PDSS1: variants seen among roughly 807,000 people sequenced by gnomAD.
PDSS1 encodes all trans-polyprenyl-diphosphate synthase PDSS1.
In PDSS1, 43 loss-of-function variants were observed where a neutral mutation model predicts 57.5. The ratio of observed to expected loss-of-function variants is 0.75; its 90% CI spans 0.59 to 0.96. The LOEUF is 0.96. Among genes scored for constraint, PDSS1 ranks in the 50% least tolerant of loss-of-function variants. The pLI is 0.00. For missense variants in PDSS1, 438 were observed against 527.8 expected, an observed-to-expected ratio of 0.83 and a Z score of 1.67; for synonymous variants, 175 against 191.3, an observed-to-expected ratio of 0.91 and a Z score of 0.70.
At chr10:26,741,496 G>GAAA (rs1362615282) in intron 10 of PDSS1, among the ~76,000 whole-genome samples, 3 of 149,506 alleles carry the variant, frequency 2.0e-5, no homozygotes, top group Non-Finnish European at 4.4e-5. Context: ...AGGAGGGGGG[G>GAAA]AAAAACAACA....
Position 26,704,083 on chromosome 10 carries a change from C to CAAAAAAAAAAAAAAAAAAAAAAAAAAAA in PDSS1, c.163-575_163-574insAAAAAAAAAAAAAAAAAAAAAAAAAAAA, listed in dbSNP as rs1203931422. ...GACGACAGAACGAGACTCCGTCTCACAAAAAAAAAAAAAAAAAAATATGGC... is the reference window on the plus strand; with the variant it reads ...GACGACAGAACGAGACTCCGTCTCACAAAAAAAAAAAAAAAAAAAAAAAAAAAAAAAAAAAAAAAAAAAAAAATATGGC... On this transcript the variant is annotated intron_variant, in intron 2 of 11. Transcript: ENST00000376215. 2.6e-3 allele frequency among the ~76,000 whole-genome samples: 80 copies of CAAAAAAAAAAAAAAAAAAAAAAAAAAAA among 31,032 alleles called. 11 individuals carry two copies. Among genetic ancestry groups the CAAAAAAAAAAAAAAAAAAAAAAAAAAAA allele is most frequent in the Non-Finnish European group, 4.0e-3 (65 of 16,338 alleles). 20.4% of individuals were successfully genotyped at this position (31,032 alleles called of 152,430 possible). A position where few individuals can be genotyped will look rare whatever the true frequency, so the allele number is the denominator to read the frequency against.
intron 1 of PDSS1, among the ~76,000 whole-genome samples, chr10:26,698,112 G>T (rs1221524577): frequency 1.3e-5 from 2 of 152,090 alleles, no homozygotes; most frequent in Non-Finnish European, 2.9e-5. Flanking sequence ...TGGAGAAAGC[G>T]GTGGGATCCG....
chr10:26,725,517 G>GT (rs58406193), intron 8 of PDSS1, among the ~76,000 whole-genome samples: 2,661 of 149,142 alleles, frequency 0.018, 68 homozygotes, highest in African/African-American at 0.06. Context: ...AATTATGTGG[G>GT]TTTTTTTTTT....
chr10:26,726,826 C>T (rs1240321988), intron 8 of PDSS1, among the ~76,000 whole-genome samples: 1 of 152,104 alleles, frequency 6.6e-6, no homozygotes, highest in Non-Finnish European at 1.5e-5. Context: ...CTTTAGGAGG[C>T]CGAGGCGAGT....
intron 5 of PDSS1, among the ~76,000 whole-genome samples, chr10:26,717,267 A>C (rs571252578): frequency 6.6e-6 from 1 of 151,694 alleles, no homozygotes; most frequent in African/African-American, 2.4e-5. Context: ...GTCTCGCTCT[A>C]CCCCCCAGGC....
At chr10:26,728,015 G>T (rs78901675) in intron 8 of PDSS1, among the ~76,000 whole-genome samples, 1 of 152,182 alleles carries the variant, frequency 6.6e-6, no homozygotes, top group Non-Finnish European at 1.5e-5. Flanking sequence ...GGCGCGTGCT[G>T]TCTTGTCTGT....
chr10:26,720,161 A>G (rs910576192), intron 5 of PDSS1, 57 bp from the exon 6 acceptor site: 2 of 1,610,312 alleles, frequency 1.2e-6, no homozygotes, highest in African/African-American at 2.7e-5. Flanking sequence ...TCACAAGCTG[A>G]TTGCTGAGAA....
intron 5 of PDSS1, chr10:26,718,781 G>C (rs537568343): frequency 2.3e-5 from 3 of 130,642 alleles, no homozygotes; most frequent in African/African-American, 8.0e-5. Flanking sequence ...AAAAAAAAAG[G>C]AATGAGTAGC....
Position 26,735,279 on chromosome 10 carries a change from A to C in PDSS1, c.871A>C (p.Ile291Leu), listed in dbSNP as rs1386693230. The C allele has an allele frequency of 6.2e-7, 1 of 1,613,702 alleles. No individual in the cohort carries two copies. Residue 291 changes from isoleucine (I) to leucine (L), a missense_variant, in exon 9 of 12, where the codon ATC becomes CTC. Ile to Leu is a conservative substitution (Grantham distance 5). Around this residue, in one of 2 missense-constraint regions of PDSS1, gnomAD observed 284 missense variants for 390.7 expected, o/e 0.73. Transcript: ENST00000376215. ...LGCPDPVVHE[I>L]AYQYGKNVGI... ...ATGTCCCGACCCAGTGGTGCATGAG[A>C]TCGCCTATCAGTACGGAAAAAATGT... is the stretch of plus-strand genomic sequence containing the variant.
In PDSS1 at chr10:26,697,702, G is replaced by T. The variant is rs1394147835; in HGVS notation, c.-10G>T. Reference sequence around the variant, plus strand: ...AGCCGCCGCCCTGCCGCGACTTTCAGACTCCGACCATGGCCTCGCGCTGGT... The same window carrying T: ...AGCCGCCGCCCTGCCGCGACTTTCATACTCCGACCATGGCCTCGCGCTGGT... On this transcript the variant is annotated 5_prime_UTR_variant, in exon 1 of 12. Coordinates refer to ENST00000376215, the MANE Select transcript of PDSS1 (RefSeq NM_014317.5). 3.3e-5 allele frequency: 42 copies of T among 1,289,482 alleles called. No individual in the cohort carries two copies. The highest frequency in any genetic ancestry group is 4.0e-5 in the Non-Finnish European group (41 of 1,021,138). 79.9% of individuals were successfully genotyped at this position (1,289,482 alleles called of 1,614,324 possible). A position where few individuals can be genotyped will look rare whatever the true frequency, so the allele number is the denominator to read the frequency against.
In PDSS1 at chr10:26,746,438, C is replaced by G; in HGVS notation, c.1213C>G (p.Gln405Glu). 2 of 1,614,076 alleles carry G rather than the reference C, an allele frequency of 1.2e-6. No individual in the cohort carries two copies. The highest frequency in any genetic ancestry group is 1.7e-6 in the Non-Finnish European group (2 of 1,179,952). The change falls in exon 12 of 12, where the codon CAG (glutamine) becomes GAG (glutamate). Residue 405 changes from glutamine to glutamate, a missense_variant. By Grantham distance (29) the Gln-to-Glu change is conservative (BLOSUM62 2). This residue lies in a region of PDSS1 where 284 missense variants were observed against 390.7 expected (regional missense o/e 0.73). Transcript: ENST00000376215. ...ATCCCCAGAAAGAGATGCCCTCATT[C>G]AGCTTTCAGAAATTGTACTCACAAG... ...RPSPERDALI[Q>E]LSEIVLTRDK
chr10:26,734,522 A>G (rs1258976096), intron 8 of PDSS1: 2 of 363,912 alleles, frequency 5.5e-6, no homozygotes, highest in Admixed American at 7.3e-5. Flanking sequence ...GGAGTTTTAA[A>G]AAGACTTTCA....
intron 1 of PDSS1, chr10:26,701,893 GGGGTTGAACCCTGCAAAGCCACAGAGT>G (rs1347640001): frequency 2.2e-6 from 1 of 453,220 alleles, no homozygotes; most frequent in Admixed American, 2.4e-5. Context: ...AATAGCAGTG[GGGGTTGAACCCTGCAAAGCCACAGAGT>G]CAGAGCCACC....
intron 8 of PDSS1, among the ~76,000 whole-genome samples, chr10:26,728,522 T>G (rs1283413199): frequency 6.6e-6 from 1 of 152,156 alleles, no homozygotes; most frequent in Admixed American, 6.5e-5. Context: ...CCAGGTTTCT[T>G]CAATCTAAAA....
chr10:26,737,230 TTAC>T (rs1836435425), intron 10 of PDSS1, among the ~76,000 whole-genome samples: 1 of 152,234 alleles, frequency 6.6e-6, no homozygotes, highest in South Asian at 2.1e-4. Flanking sequence ...GGATACTAAG[TTAC>T]CGGTTGAGTC....
intron 3 of PDSS1, 33 bp from the exon 4 acceptor site, chr10:26,705,253 A>G: frequency 8.2e-7 from 1 of 1,223,962 alleles, no homozygotes; most frequent in Admixed American, 1.7e-5. Flanking sequence ...ACTTACTTGA[A>G]AATGAAGTCA....
chr10:26,705,144 C>G, intron 3 of PDSS1, 142 bp from the exon 4 acceptor site: 1 of 662,514 alleles, frequency 1.5e-6, no homozygotes, highest in South Asian at 1.7e-5. Flanking sequence ...GTATGTTTTT[C>G]CAAATTATAA....
chr10:26,726,673 C>G lies in PDSS1; in HGVS notation c.831+2550C>G, dbSNP rs116830971. Among the ~76,000 whole-genome samples the G allele has an allele frequency of 2.2e-3, 340 of 152,274 alleles. 1 individual carries two copies. The highest frequency in any genetic ancestry group is 7.9e-3 in the African/African-American group (328 of 41,552). The stretch of plus-strand genomic sequence containing the variant: ...CTGCATTCTACTAAGGATACCATTT[C>G]TTCATCTCCCTTCCTTTTTTTAGTG... On this transcript the variant is annotated intron_variant, in intron 8 of 11. Coordinates refer to ENST00000376215, the MANE Select transcript of PDSS1 (RefSeq NM_014317.5).
chr10:26,710,307 G>A (rs1835381817), intron 5 of PDSS1, among the ~76,000 whole-genome samples: 1 of 85,586 alleles, frequency 1.2e-5, no homozygotes, highest in Admixed American at 1.4e-4. Context: ...GTGCAGTGGT[G>A]TGATCTCGGC....
Sources: allele counts gnomAD v4.1 joint callset (sites outside exome capture counted in the v4.1 genomes callset), GRCh38; gene constraint gnomAD v4.1.1; regional missense constraint gnomAD v4.1.1; transcripts MANE v1.5; gene names NCBI Gene and HGNC (gene_info 2026-07-23, HGNC 2026-07-21).